Variants in TENM2 observed in about 807,000 individuals in gnomAD.
TENM2 encodes the protein teneurin-2.
A neutral mutation model predicts 245.2 loss-of-function variants in TENM2; 52 were observed. That is an observed-to-expected ratio of 0.21 (90% CI 0.17 to 0.27). The LOEUF is 0.27. Ranked by LOEUF, TENM2 falls within the 10% of genes least tolerant of loss-of-function variation. The pLI is 1.00. For synonymous variants in TENM2, 1,363 were observed against 1,438.9 expected, an observed-to-expected ratio of 0.95 and a Z score of 1.19; for missense variants, 3,046 against 3,666.8, an observed-to-expected ratio of 0.83 and a Z score of 4.37.
intron 3 of TENM2, among the ~76,000 whole-genome samples, chr5:167,917,926 A>G (rs770600364): frequency 6.6e-6 from 1 of 152,188 alleles, no homozygotes; most frequent in Non-Finnish European, 1.5e-5. Flanking sequence ...TAACCGCTCC[A>G]ATATTATTCT....
chr5:168,173,146 A>G (rs2152473555), intron 13 of TENM2, among the ~76,000 whole-genome samples: 1 of 152,224 alleles, frequency 6.6e-6, no homozygotes, highest in South Asian at 2.1e-4. Context: ...TACCTCTTTC[A>G]TTTATGAGAA....
intron 2 of TENM2, among the ~76,000 whole-genome samples, chr5:167,727,965 C>G (rs1474383426): frequency 5.3e-5 from 8 of 152,048 alleles, no homozygotes; most frequent in Non-Finnish European, 5.9e-5. Flanking sequence ...CTGTGAGATC[C>G]TGAGAGTGTC....
At chr5:167,654,568 C>G (rs1332355749) in intron 2 of TENM2, among the ~76,000 whole-genome samples, 1 of 151,818 alleles carries the variant, frequency 6.6e-6, no homozygotes, top group Non-Finnish European at 1.5e-5. Flanking sequence ...TGCTATTATA[C>G]TCATCTGACA....
chr5:167,620,549 C>CTTTTTTTT (rs11455974), intron 2 of TENM2, among the ~76,000 whole-genome samples: 79 of 73,302 alleles, frequency 1.1e-3, no homozygotes, highest in East Asian at 1.4e-3. Context: ...TGCTTTTTGG[C>CTTTTTTTT]TTTTTTTTTT....
At chr5:167,244,494 C>T in the TENM2 span, among the ~76,000 whole-genome samples, 4 of 152,078 alleles carry the variant, frequency 2.6e-5, no homozygotes, top group South Asian at 6.2e-4. Flanking sequence ...CTGCGTTTTC[C>T]GATGTATTTG....
intron 2 of TENM2, among the ~76,000 whole-genome samples, chr5:167,456,525 A>G (rs917507977): frequency 6.6e-6 from 1 of 152,174 alleles, no homozygotes; most frequent in African/African-American, 2.4e-5. Context: ...TTTATTCCAG[A>G]GGTTTTACTG....
chr5:167,245,516 T>A, the TENM2 span, among the ~76,000 whole-genome samples: 1 of 151,900 alleles, frequency 6.6e-6, no homozygotes, highest in Non-Finnish European at 1.5e-5. Context: ...TTCTTTTTCT[T>A]TTTTTTAAGA....
At chr5:167,874,616 T>C (rs190756534) in intron 2 of TENM2, among the ~76,000 whole-genome samples, 1 of 152,290 alleles carries the variant, frequency 6.6e-6, no homozygotes, top group East Asian at 1.9e-4. Flanking sequence ...TTCTCTTGGC[T>C]CATTTTCCTG....
intron 2 of TENM2, among the ~76,000 whole-genome samples, chr5:167,826,478 G>T (rs1767983036): frequency 6.6e-6 from 1 of 152,232 alleles, no homozygotes; most frequent in Non-Finnish European, 1.5e-5. Flanking sequence ...ATAGCATAGA[G>T]ATTTATTTCC....
intron 4 of TENM2, among the ~76,000 whole-genome samples, chr5:167,992,426 T>A (rs1268707729): frequency 6.6e-6 from 1 of 152,222 alleles, no homozygotes; most frequent in African/African-American, 2.4e-5. Context: ...CTATCCATGT[T>A]CCTGCAAAGG....
chr5:167,899,267 C>G (rs547546368), intron 3 of TENM2, among the ~76,000 whole-genome samples: 1 of 152,076 alleles, frequency 6.6e-6, no homozygotes, highest in East Asian at 1.9e-4. Flanking sequence ...ACGTTAATGT[C>G]GCATTATCAA....
chr5:167,480,049 G>T (rs1243916317), intron 2 of TENM2, among the ~76,000 whole-genome samples: 2 of 152,212 alleles, frequency 1.3e-5, no homozygotes, highest in Admixed American at 1.3e-4. Context: ...GAATGTGGCT[G>T]AACTGTTTAC....
At chr5:168,213,918 T>G (rs942341520) in intron 20 of TENM2, among the ~76,000 whole-genome samples, 1 of 152,356 alleles carries the variant, frequency 6.6e-6, no homozygotes, top group African/African-American at 2.4e-5. Flanking sequence ...AATTACTGTT[T>G]GCATCCTAGA....
chr5:167,661,452 A>C (rs1374375716), intron 2 of TENM2, among the ~76,000 whole-genome samples: 1 of 152,222 alleles, frequency 6.6e-6, no homozygotes, highest in South Asian at 2.1e-4. Flanking sequence ...CATAGATTTG[A>C]ATATTAGCAC....
At chr5:167,470,454 C>CTTTTTTTTTTTATTTT (rs1766942624) in intron 2 of TENM2, among the ~76,000 whole-genome samples, 1 of 47,394 alleles carries the variant, frequency 2.1e-5, no homozygotes, top group Admixed American at 3.2e-4. Context: ...GCAATGCTTG[C>CTTTTTTTTTTTATTTT]TTTTTTTTTT....
rs186319659 is a variant in TENM2, at chr5:167,515,938, A to G, written c.502+140465A>G. ...TAGCCAAAGGAAATGTTATGCATGT[A>G]AAAGTTCTGTCTATTTGATGAACTC... On this transcript the variant is annotated intron_variant, in intron 2 of 28. Coordinates refer to ENST00000518659, the Ensembl canonical transcript of TENM2. Among the ~76,000 whole-genome samples, 8 of 152,212 alleles carry G rather than the reference A, an allele frequency of 5.3e-5. No individual in the cohort carries two copies. The East Asian group carries it at 1.5e-3, about 29-fold the overall frequency.
intron 1 of TENM2, among the ~76,000 whole-genome samples, chr5:167,363,741 A>AAG (rs1243256962): frequency 6.6e-6 from 1 of 150,862 alleles, no homozygotes; most frequent in Non-Finnish European, 1.5e-5. Flanking sequence ...AAAAAAAAAA[A>AAG]AAAAAGAAAA....
At chr5:166,996,109 C>T in the TENM2 span, among the ~76,000 whole-genome samples, 3 of 151,906 alleles carry the variant, frequency 2.0e-5, no homozygotes, top group South Asian at 2.1e-4. Context: ...TTTGGGAGGC[C>T]GAGGCGGACA....
At chr5:167,778,361 A>G (rs1387067156) in intron 2 of TENM2, among the ~76,000 whole-genome samples, 1 of 152,216 alleles carries the variant, frequency 6.6e-6, no homozygotes, top group East Asian at 1.9e-4. Context: ...ACAGCAACAA[A>G]AGTATTTTAG....
Sources: gnomAD v4.1 joint callset for allele counts (sites outside exome capture counted in the v4.1 genomes callset) on GRCh38, gnomAD v4.1.1 for gene constraint, MANE v1.5 for transcripts, NCBI Gene and HGNC (gene_info 2026-07-23, HGNC 2026-07-21) for gene names.